RHBG: variants seen among roughly 807,000 people sequenced by gnomAD.
RHBG encodes the protein ammonium transporter Rh type B.
Under a neutral mutation model 40.1 loss-of-function variants are expected in RHBG, and 39 were observed. The observed-to-expected ratio is 0.97, with a 90% CI of 0.75 to 1.27. The LOEUF (loss-of-function observed/expected upper bound fraction) is 1.27, where lower values mean the gene tolerates loss of function less well. Ranked by LOEUF, RHBG falls within the 50% of genes most tolerant of loss-of-function variation. The pLI is 0.00. For missense variants in RHBG, 549 were observed against 588.1 expected (o/e 0.93, Z 0.69); for synonymous variants, 237 against 252.5 (o/e 0.94, Z 0.58).
chr1:156,382,043 ACTCATGAT>A lies in RHBG; in HGVS notation c.979-22_979-15del, dbSNP rs1384394528. The A allele has an allele frequency of 3.7e-6, 6 of 1,609,846 alleles. No homozygotes were observed. Among genetic ancestry groups the A allele is most frequent in the Non-Finnish European group, 5.1e-6 (6 of 1,178,206 alleles). ...AGGTGGTGGGGAGTGGGCACAGGAG[ACTCATGAT>A]CTGTCTTGCCCTCCAGCCCATCCTT... On this transcript the variant is annotated splice_polypyrimidine_tract_variant and intron_variant, in intron 6 of 9. Transcript: ENST00000537040.
chr1:156,377,381 G>A lies in RHBG; in HGVS notation c.268G>A (p.Val90Met), dbSNP rs753139851. The change falls in exon 2 of 10, where the codon GTG becomes ATG. Residue 90 changes from valine to methionine, a missense_variant. Physicochemically the swap from Val to Met is conservative, Grantham distance 21 (BLOSUM62 1). Coordinates refer to ENST00000537040, the MANE Select transcript of RHBG (RefSeq NM_020407.5). This position sits in a 1 kb window ranked among gnomAD's most constrained non-coding sequence, Gnocchi z 4.6. ...CCTGCAGCGTTACGGCTTCAGCAGC[G>A]TGGGCTTCACCTTCCTCCTGGCCGC... The part of the protein sequence containing the change: ...VFLQRYGFSS[V>M]GFTFLLAAFA... 1.5e-5 allele frequency: 24 copies of A among 1,614,108 alleles called. No individual in the cohort carries two copies. Among genetic ancestry groups the A allele is most frequent in the South Asian group, 2.2e-5 (2 of 91,092 alleles).
Position 156,377,958 on chromosome 1 carries a change from C to G in RHBG, c.375-32C>G. 1 of 1,521,208 alleles carries G rather than the reference C, an allele frequency of 6.6e-7. No individual in the cohort carries two copies. Among genetic ancestry groups the G allele is most frequent in the Non-Finnish European group, 8.8e-7 (1 of 1,132,568 alleles). The allele number at this position is 1,521,208 out of a possible 1,614,324, so 94.2% of individuals were successfully genotyped here. A position where few individuals can be genotyped will look rare whatever the true frequency, so the allele number is the denominator to read the frequency against. ...ACCCCGAGGCCAGCCTCTCTGACCC[C>G]TCTTGTGCTCCCACTTCTGCCCCAT... is the stretch of plus-strand genomic sequence containing the variant. On this transcript the variant is annotated intron_variant, in intron 2 of 9. Transcript: ENST00000537040. The surrounding 1 kb of genome is among the most constrained non-coding windows in gnomAD (Gnocchi z 4.6).
At chr1:156,384,442 C>A in intron 8 of RHBG, 85 bp from the exon 9 acceptor site, 1 of 1,214,636 alleles carries the variant, frequency 8.2e-7, no homozygotes, top group Non-Finnish European at 1.2e-6. Flanking sequence ...GCCTCCTAGA[C>A]CCCTGTGCCC....
chr1:156,384,209 A>G (rs549851382), intron 8 of RHBG, among the ~76,000 whole-genome samples: 305 of 152,336 alleles, frequency 2.0e-3, no homozygotes, highest in Admixed American at 6.4e-3. Flanking sequence ...TGATGGAATC[A>G]GGAACTGGTC....
At position 156,382,208 on chromosome 1, in the gene RHBG, T is replaced by C; in HGVS notation, c.1112+7T>C. 1 of 1,614,084 alleles carries C rather than the reference T, an allele frequency of 6.2e-7. No homozygotes were observed. The highest frequency in any genetic ancestry group is 8.5e-7 in the Non-Finnish European group (1 of 1,180,020). ...ATGAAGCTTACGGAGATGGGTGAGT[T>C]TCCTCCCAACCCGTACTGCAGTCGT... On this transcript the variant is annotated splice_region_variant and intron_variant, in intron 7 of 9. Transcript: ENST00000537040.
chr1:156,375,364 C>T (rs1310325698), intron 1 of RHBG, among the ~76,000 whole-genome samples: 4 of 151,940 alleles, frequency 2.6e-5, no homozygotes, highest in Admixed American at 1.3e-4. Flanking sequence ...TGAGCCACTG[C>T]GCCCAGCCTC....
chr1:156,374,239 G>T (rs77347421), intron 1 of RHBG, among the ~76,000 whole-genome samples: 1,647 of 152,262 alleles, frequency 0.011, 11 homozygotes, highest in Middle Eastern at 0.041. Context: ...AGATGGAACA[G>T]TATCAATCCA....
chr1:156,382,456 A>C, intron 7 of RHBG: 1 of 626,522 alleles, frequency 1.6e-6, no homozygotes, highest in Non-Finnish European at 2.8e-6. Flanking sequence ...AGAGATAATG[A>C]CCTTTAGGAT....
chr1:156,371,705 C>G (rs1406953079), intron 1 of RHBG: 4 of 153,050 alleles, frequency 2.6e-5, no homozygotes, highest in Non-Finnish European at 5.8e-5. Context: ...AGGGAACAGT[C>G]CAGAGTCTGA....
intron 7 of RHBG, chr1:156,382,404 C>A: frequency 1.5e-6 from 1 of 679,454 alleles, no homozygotes; most frequent in Non-Finnish European, 2.5e-6. Context: ...GGTCATGGAA[C>A]AAATGACTTC....
Position 156,381,425 on chromosome 1 carries a change from C to T in RHBG, c.752C>T (p.Ala251Val), listed in dbSNP as rs756706384. 2.2e-5 allele frequency: 36 copies of T among 1,614,048 alleles called. No homozygotes were observed. The highest frequency in any genetic ancestry group is 2.9e-5 in the Non-Finnish European group (34 of 1,180,046). Reference protein sequence around the residue: ...TALGAGQHRTALNTYYSLAAS... With the variant: ...TALGAGQHRTVLNTYYSLAAS... The stretch of plus-strand genomic sequence containing the variant: ...CTGGGGGCTGGGCAGCATCGGACGG[C>T]CCTCAACACATACTACTCCCTGGCT... Residue 251 changes from alanine to valine, a missense_variant, in exon 5 of 10, where the codon GCC becomes GTC. Coordinates refer to ENST00000537040, the MANE Select transcript of RHBG (RefSeq NM_020407.5).
At chr1:156,382,003 C>A in intron 6 of RHBG, 60 bp downstream of exon 6, 1 of 1,608,392 alleles carries the variant, frequency 6.2e-7, no homozygotes, top group Admixed American at 1.7e-5. Flanking sequence ...TTCCTCCCGC[C>A]TCTCCAACAG....
At chr1:156,382,916 A>T (rs1379301746) in intron 8 of RHBG, 47 bp downstream of exon 8, 2 of 1,611,932 alleles carry the variant, frequency 1.2e-6, no homozygotes, top group Non-Finnish European at 1.7e-6. Flanking sequence ...GGATCCTATA[A>T]GCCTGACATG....
intron 1 of RHBG, among the ~76,000 whole-genome samples, chr1:156,370,448 C>T (rs1438200527): frequency 4.2e-5 from 4 of 95,028 alleles, no homozygotes; most frequent in Non-Finnish European, 8.4e-5. Context: ...GACTCCATCT[C>T]GAGAAAAAAA....
chr1:156,382,432 C>T (rs1667721767), intron 7 of RHBG: 6 of 644,586 alleles, frequency 9.3e-6, no homozygotes, highest in African/African-American at 1.8e-5. Context: ...TTACTTGTTA[C>T]TGAAGGGTCA....
At chr1:156,369,523 C>A in intron 1 of RHBG, 87 bp downstream of exon 1, 1 of 1,395,350 alleles carries the variant, frequency 7.2e-7, no homozygotes, top group Non-Finnish European at 9.6e-7. Flanking sequence ...CATTTGGGTG[C>A]CCGCATTTAG....
chr1:156,369,433 C>G lies in RHBG; in HGVS notation c.184C>G (p.Pro62Ala), dbSNP rs868710103. The change falls in exon 1 of 10, where the codon CCA becomes GCA. Residue 62 changes from proline to alanine, a missense_variant. Coordinates refer to ENST00000537040, the MANE Select transcript of RHBG (RefSeq NM_020407.5). ...NADNEFYFRYPSFQDVHAMVF... is the reference protein window; with the variant it reads ...NADNEFYFRYASFQDVHAMVF... ...GGACAATGAATTTTACTTTCGCTAC[C>G]CAAGTGAGTGCGGGGTGAGGGCGCG... 1.2e-6 allele frequency: 2 copies of G among 1,609,678 alleles called. No homozygotes were observed. Among genetic ancestry groups the G allele is most frequent in the Admixed American group, 1.7e-5 (1 of 59,490 alleles).
At chr1:156,384,633 G>A in intron 9 of RHBG, 33 bp downstream of exon 9, 1 of 1,557,914 alleles carries the variant, frequency 6.4e-7, no homozygotes, top group Non-Finnish European at 8.7e-7. Context: ...CACCCTCTGA[G>A]TCTCCCTTCC....
At chr1:156,373,984 G>C (rs1412711718) in intron 1 of RHBG, among the ~76,000 whole-genome samples, 1 of 152,052 alleles carries the variant, frequency 6.6e-6, no homozygotes, top group African/African-American at 2.4e-5. Context: ...CCTCCTGTTT[G>C]AGATGATATA....
Sources: gnomAD v4.1 joint callset for allele counts (sites outside exome capture counted in the v4.1 genomes callset) on GRCh38, gnomAD v4.1.1 for gene constraint, Gnocchi (gnomAD v3.1) non-coding constraint, MANE v1.5 for transcripts, NCBI Gene and HGNC (gene_info 2026-07-23, HGNC 2026-07-21) for gene names.